The following DAB1 variants were observed in gnomAD, a reference collection of about 807,000 sequenced individuals.
DAB1 encodes the protein disabled homolog 1.
A neutral mutation model predicts 64.6 loss-of-function variants in DAB1; 15 were observed. The ratio of observed to expected loss-of-function variants is 0.23; its 90% confidence interval spans 0.16 to 0.36. DAB1 has a LOEUF of 0.36. Ranked by LOEUF, DAB1 falls within the 10% of genes least tolerant of loss-of-function variation. The probability of loss-of-function intolerance (pLI) is 1.00; values close to 1 mark genes in which losing one functional copy is unlikely to be tolerated. For missense variants in DAB1, 596 were observed against 706.7 expected, an observed-to-expected ratio of 0.84 and a Z score of 1.78; for synonymous variants, 235 against 251.9, an observed-to-expected ratio of 0.93 and a Z score of 0.64.
At chr1:57,944,786 T>C (rs1557569635) in intron 5 of DAB1, among the ~76,000 whole-genome samples, 2 of 152,162 alleles carry the variant, frequency 1.3e-5, no homozygotes, top group Non-Finnish European at 2.9e-5. Context: ...TCTCTGTACC[T>C]GGTCCACTCC....
chr1:58,528,383 C>G (rs1300743614), intron 1 of DAB1, among the ~76,000 whole-genome samples: 2 of 152,176 alleles, frequency 1.3e-5, no homozygotes, highest in East Asian at 3.8e-4. Context: ...TCCAAGCTCA[C>G]AGAGCTGCAG....
intron 4 of DAB1, among the ~76,000 whole-genome samples, chr1:58,314,815 C>A (rs1046064727): frequency 3.3e-5 from 5 of 152,176 alleles, no homozygotes; most frequent in African/African-American, 1.2e-4. Flanking sequence ...TCTATCATAA[C>A]AGGAGCTCAA....
At chr1:57,603,291 G>C (rs1485592662) in intron 7 of DAB1, among the ~76,000 whole-genome samples, 1 of 152,182 alleles carries the variant, frequency 6.6e-6, no homozygotes, top group Non-Finnish European at 1.5e-5. Flanking sequence ...AGGTGGCACA[G>C]TGCCTGTCAG....
At chr1:58,051,631 C>T (rs1288602447) in intron 5 of DAB1, among the ~76,000 whole-genome samples, 1 of 152,168 alleles carries the variant, frequency 6.6e-6, no homozygotes, top group Non-Finnish European at 1.5e-5. Flanking sequence ...ACACTGTCTT[C>T]CACAATGGTT....
At chr1:57,583,550 G>A (rs1645340559) in intron 7 of DAB1, among the ~76,000 whole-genome samples, 1 of 152,154 alleles carries the variant, frequency 6.6e-6, no homozygotes, top group African/African-American at 2.4e-5. Context: ...CTCCCAAAGT[G>A]CTGGGATTAC....
At chr1:58,035,664 G>A (rs1407736653) in intron 5 of DAB1, among the ~76,000 whole-genome samples, 1 of 152,182 alleles carries the variant, frequency 6.6e-6, no homozygotes, top group Non-Finnish European at 1.5e-5. Flanking sequence ...ATAGTGCATG[G>A]TTCAGGGCCA....
chr1:58,026,247 G>A (rs1646893205), intron 5 of DAB1, among the ~76,000 whole-genome samples: 1 of 152,196 alleles, frequency 6.6e-6, no homozygotes, highest in African/African-American at 2.4e-5. Flanking sequence ...TGGACATTTG[G>A]TTACAAACAT....
rs116528630 is a variant in DAB1, at chr1:57,921,897, C to G, written n.388-37735G>C. 6.3e-3 allele frequency among the ~76,000 whole-genome samples: 954 copies of G among 152,298 alleles called. 8 individuals are homozygous for G. Among genetic ancestry groups the G allele is most frequent in the African/African-American group, 0.022 (922 of 41,570 alleles). The stretch of plus-strand genomic sequence containing the variant: ...CTTGAACCCATCTCCTAACTTCTCC[C>G]TTCTTGATCTTTCTGCTCCAGCTAC... On this transcript the variant is annotated intron_variant and non_coding_transcript_variant, in intron 5 of 20. Transcript: ENST00000485760.
chr1:57,493,271 AAACATT>A lies in DAB1; in HGVS notation n.625+156315_625+156320del, dbSNP rs149686736. The stretch of plus-strand genomic sequence containing the variant: ...CATCCATCTCCAGAACCCACCCATG[AAACATT>A]AACCCCCTATTTCTTCCTTCCTCCC... On this transcript the variant is annotated intron_variant and non_coding_transcript_variant, in intron 7 of 20. Coordinates refer to the DAB1 transcript ENST00000485760. Among the ~76,000 whole-genome samples, 901 of 152,230 alleles carry A rather than the reference AAACATT, an allele frequency of 5.9e-3. 5 individuals are homozygous for A. Among genetic ancestry groups the A allele is most frequent in the African/African-American group, 0.021 (863 of 41,546 alleles).
chr1:58,024,058 G>A lies in DAB1; in HGVS notation n.387+126453C>T, dbSNP rs552220464. ...AGTTTTTTATTAATTTGTTTGTCAA[G>A]CAACACTCTCAGCTCTCTCGTAATT... On this transcript the variant is annotated intron_variant and non_coding_transcript_variant, in intron 5 of 20. Coordinates refer to the DAB1 transcript ENST00000485760. Among the ~76,000 whole-genome samples the A allele has an allele frequency of 7.9e-5, 12 of 152,246 alleles. 1 individual carries two copies. The highest frequency in any genetic ancestry group is 2.9e-4 in the African/African-American group (12 of 41,554).
At chr1:57,550,867 A>G (rs779276696) in intron 7 of DAB1, among the ~76,000 whole-genome samples, 2 of 152,274 alleles carry the variant, frequency 1.3e-5, no homozygotes, top group South Asian at 4.1e-4. Flanking sequence ...TGTAGAGGAG[A>G]AATGAATAAC....
At chr1:57,675,330 G>A (rs12078926) in intron 6 of DAB1, among the ~76,000 whole-genome samples, 1,831 of 152,292 alleles carry the variant, frequency 0.012, 28 homozygotes, top group African/African-American at 0.041. Flanking sequence ...GGTGGACAAC[G>A]TAACACAAGG....
chr1:58,228,859 G>A, intron 4 of DAB1: 1 of 595,818 alleles, frequency 1.7e-6, no homozygotes, highest in Non-Finnish European at 3.2e-6. Flanking sequence ...CTCAGCACCA[G>A]CAGGACAGAG....
intron 5 of DAB1, among the ~76,000 whole-genome samples, chr1:58,019,577 AC>A (rs1646788088): frequency 6.6e-6 from 1 of 152,220 alleles, no homozygotes; most frequent in Non-Finnish European, 1.5e-5. Flanking sequence ...TTCTAACTGC[AC>A]CATGAAAAAT....
At chr1:57,451,290 A>G (rs1274596250) in intron 7 of DAB1, among the ~76,000 whole-genome samples, 3 of 152,216 alleles carry the variant, frequency 2.0e-5, no homozygotes, top group Non-Finnish European at 4.4e-5. Context: ...CTGCCCACAG[A>G]CACATGGACA....
intron 3 of DAB1, among the ~76,000 whole-genome samples, chr1:58,479,278 C>A (rs1389929203): frequency 6.6e-6 from 1 of 152,150 alleles, no homozygotes; most frequent in East Asian, 1.9e-4. Context: ...TTTTACAATA[C>A]TCCAATCACA....
chr1:58,110,213 C>T (rs1201605248), intron 5 of DAB1, among the ~76,000 whole-genome samples: 1 of 152,182 alleles, frequency 6.6e-6, no homozygotes, highest in East Asian at 1.9e-4. Context: ...CACAGTGGCC[C>T]TTGTCACAAT....
chr1:57,890,614 C>G (rs1484877887), intron 5 of DAB1, among the ~76,000 whole-genome samples: 1 of 151,922 alleles, frequency 6.6e-6, no homozygotes. Context: ...CACTACTATG[C>G]CTGGGTAATT....
intron 3 of DAB1, among the ~76,000 whole-genome samples, chr1:58,380,688 G>A (rs1316251932): frequency 6.6e-6 from 1 of 152,118 alleles, no homozygotes; most frequent in Non-Finnish European, 1.5e-5. Flanking sequence ...GTCATTCAAA[G>A]GTCTAAGAGG....
Sources: gnomAD v4.1 joint callset for allele counts (sites outside exome capture counted in the v4.1 genomes callset) on GRCh38, gnomAD v4.1.1 for gene constraint, MANE v1.5 for transcripts, NCBI Gene and HGNC (gene_info 2026-07-23, HGNC 2026-07-21) for gene names.